DLC1: variants seen among roughly 807,000 people sequenced by gnomAD.
DLC1 encodes rho GTPase-activating protein 7.
A neutral mutation model predicts 140.3 loss-of-function variants in DLC1; 54 were observed. The ratio of observed to expected loss-of-function variants is 0.38; its 90% CI spans 0.31 to 0.48. The LOEUF (loss-of-function observed/expected upper bound fraction) is 0.48, where lower values mean the gene tolerates loss of function less well. DLC1 is among the 20% of genes least tolerant of loss of function. DLC1 has a pLI of 0.96. For missense variants in DLC1, 2,536 were observed against 1,907.0 expected (o/e 1.33, Z -6.14); for synonymous variants, 986 against 728.1 (o/e 1.35, Z -5.70).
At chr8:13,358,374 G>T (rs959770486) in intron 4 of DLC1, among the ~76,000 whole-genome samples, 1 of 152,060 alleles carries the variant, frequency 6.6e-6, no homozygotes, top group African/African-American at 2.4e-5. Context: ...GACTGCCAAG[G>T]GTATATGCTC....
intron 1 of DLC1, chr8:13,567,925 C>T (rs987937638): frequency 8.4e-6 from 13 of 1,549,580 alleles, no homozygotes; most frequent in South Asian, 7.2e-5. Context: ...CAAACCAGAG[C>T]TGGTGATTGT....
At chr8:13,595,862 A>T (rs1426090543) in intron 1 of DLC1, among the ~76,000 whole-genome samples, 1 of 152,000 alleles carries the variant, frequency 6.6e-6, no homozygotes. Flanking sequence ...TGTTTCCAAT[A>T]AATCTTGTAG....
chr8:13,316,038 G>A (rs541690365), intron 4 of DLC1, among the ~76,000 whole-genome samples: 94 of 152,290 alleles, frequency 6.2e-4, no homozygotes, highest in Admixed American at 5.1e-3. Flanking sequence ...GACCCCTTTC[G>A]GATGTAATCT....
chr8:13,589,720 T>A (rs1805452054), intron 1 of DLC1, among the ~76,000 whole-genome samples: 1 of 151,646 alleles, frequency 6.6e-6, no homozygotes, highest in African/African-American at 2.4e-5. Context: ...TAGGAAGCTT[T>A]CATACACCAG....
chr8:13,192,107 C>T (rs1022524673), intron 5 of DLC1, among the ~76,000 whole-genome samples: 3 of 151,758 alleles, frequency 2.0e-5, no homozygotes, highest in African/African-American at 4.8e-5. Flanking sequence ...CCACCGTGCC[C>T]GGCTAATTTT....
In DLC1 at chr8:13,110,833, A is replaced by G. The variant is rs374316210; in HGVS notation, c.1421-10T>C. The G allele has an allele frequency of 9.3e-6, 15 of 1,613,324 alleles. No individual in the cohort carries two copies. Among genetic ancestry groups the G allele is most frequent in the Non-Finnish European group, 1.2e-5 (14 of 1,179,700 alleles). ...ATGGGGAACAGGAAATCTATGAGAA[A>G]AATAAACAGATGTATTTGTTGAGCG... On this transcript the variant is annotated splice_polypyrimidine_tract_variant and intron_variant, in intron 6 of 17. Coordinates refer to ENST00000276297, the MANE Select transcript of DLC1 (RefSeq NM_182643.3).
chr8:13,252,348 C>G (rs750524056), intron 5 of DLC1, among the ~76,000 whole-genome samples: 7 of 152,130 alleles, frequency 4.6e-5, no homozygotes, highest in Non-Finnish European at 1.0e-4. Context: ...CAAAGGGCCA[C>G]TCACGTTTAG....
intron 1 of DLC1, among the ~76,000 whole-genome samples, chr8:13,581,421 A>T (rs552741159): frequency 6.6e-6 from 1 of 152,186 alleles, no homozygotes; most frequent in Non-Finnish European, 1.5e-5. Flanking sequence ...AGTAAATAGA[A>T]CTAATATCTA....
intron 2 of DLC1, among the ~76,000 whole-genome samples, chr8:13,426,669 A>G (rs1247212345): frequency 6.6e-6 from 1 of 152,162 alleles, no homozygotes. Flanking sequence ...GGGGCAACAT[A>G]GATTTAGAAA....
rs756928453 is a variant in DLC1, at chr8:13,099,821, C to A, written c.2516G>T (p.Arg839Met). 6.2e-7 allele frequency: 1 copy of A among 1,614,078 alleles called. No individual in the cohort carries two copies. Among genetic ancestry groups the A allele is most frequent in the Non-Finnish European group, 8.5e-7 (1 of 1,180,052 alleles). The change falls in exon 9 of 18, where the codon AGG becomes ATG. Residue 839 changes from arginine (R) to methionine (M), a missense_variant. Physicochemically the swap from Arg to Met is moderately conservative, Grantham distance 91. Transcript: ENST00000276297. Reference protein sequence around the residue: ...PSGNNGSVNWRTGSFHGPGHI... With the variant: ...PSGNNGSVNWMTGSFHGPGHI... ...GCCAGGGCCGTGGAAGCTTCCCGTC[C>A]TCCAGTTCACAGAGCCGTTATTCCC... is the stretch of plus-strand genomic sequence containing the variant.
intron 5 of DLC1, among the ~76,000 whole-genome samples, chr8:13,173,704 G>C (rs1290504803): frequency 6.6e-6 from 1 of 152,118 alleles, no homozygotes; most frequent in Non-Finnish European, 1.5e-5. Flanking sequence ...CTAAATTAAG[G>C]ATAAAGCTAT....
chr8:13,495,500 G>A (rs1009732982), intron 2 of DLC1, among the ~76,000 whole-genome samples: 5 of 151,928 alleles, frequency 3.3e-5, no homozygotes, highest in Non-Finnish European at 7.4e-5. Flanking sequence ...AATTTGTTTG[G>A]TTTTCCTTTG....
Position 13,312,700 on chromosome 8 carries a change from T to C in DLC1, c.1315-7398A>G, listed in dbSNP as rs565043946. On this transcript the variant is annotated intron_variant, in intron 4 of 17. Coordinates refer to ENST00000276297, the MANE Select transcript of DLC1 (RefSeq NM_182643.3). ...ACTGCATATTAATATATTCATTGTG[T>C]CTATATTATATATATCTCCTTAAAT... is the stretch of plus-strand genomic sequence containing the variant. Among the ~76,000 whole-genome samples the C allele has an allele frequency of 8.1e-4, 124 of 152,312 alleles. 4 individuals are homozygous for C. The South Asian group carries it at 0.025, about 30-fold the overall frequency.
intron 5 of DLC1, among the ~76,000 whole-genome samples, chr8:13,185,208 C>T (rs1025841087): frequency 4.9e-5 from 7 of 143,294 alleles, no homozygotes; most frequent in South Asian, 4.5e-4. Flanking sequence ...TCTTTGCATG[C>T]GAGATGGGTC....
chr8:13,339,220 GT>G (rs1470228803), intron 4 of DLC1, among the ~76,000 whole-genome samples: 4 of 152,146 alleles, frequency 2.6e-5, no homozygotes, highest in Non-Finnish European at 4.4e-5. Context: ...AAATTTCAAA[GT>G]TAAAAACAAC....
At chr8:13,314,166 T>A (rs1188008607) in intron 4 of DLC1, among the ~76,000 whole-genome samples, 5 of 151,544 alleles carry the variant, frequency 3.3e-5, no homozygotes, top group African/African-American at 1.2e-4. Flanking sequence ...TACTGAAATT[T>A]CATAAATTAT....
chr8:13,131,667 C>T (rs1000080578), intron 5 of DLC1, among the ~76,000 whole-genome samples: 1 of 152,208 alleles, frequency 6.6e-6, no homozygotes, highest in Admixed American at 6.5e-5. Flanking sequence ...ACATCGGGAA[C>T]AGGCAACCTG....
Position 13,088,617 on chromosome 8 carries a change from C to T in DLC1, c.4162G>A (p.Glu1388Lys). Reference sequence around the variant, plus strand: ...AGGTCTACATCCCAGAGGTGCTGTTCTTTAAGTAGGCGCTTTAAGATTTCC... The same window carrying T: ...AGGTCTACATCCCAGAGGTGCTGTTTTTTAAGTAGGCGCTTTAAGATTTCC... ...PEEILKRLLKEQHLWDVDLLD... is the reference protein window; with the variant it reads ...PEEILKRLLKKQHLWDVDLLD... Residue 1388 changes from glutamate to lysine, a missense_variant, in exon 16 of 18, where the codon GAA becomes AAA. Physicochemically the swap from Glu to Lys is moderately conservative, Grantham distance 56. Transcript: ENST00000276297. The T allele has an allele frequency of 2.5e-6, 4 of 1,614,146 alleles. No homozygotes were observed. The highest frequency in any genetic ancestry group is 3.4e-6 in the Non-Finnish European group (4 of 1,180,042).
rs116259546 is a variant in DLC1 at position 13,452,466 on chromosome 8, A to G, written c.1023+46583T>C. On this transcript the variant is annotated intron_variant, in intron 2 of 17. Transcript: ENST00000276297. ...TTCAGATAGCCTCATGCCCAAATCT[A>G]TAATGAGATTGCTATAACTAAGAAG... is the stretch of plus-strand genomic sequence containing the variant. Among the ~76,000 whole-genome samples the G allele has an allele frequency of 2.7e-3, 404 of 152,294 alleles. 2 individuals are homozygous for G. The highest frequency in any genetic ancestry group is 8.9e-3 in the African/African-American group (371 of 41,566).
Sources: gnomAD v4.1 joint callset for allele counts (sites outside exome capture counted in the v4.1 genomes callset) on GRCh38, gnomAD v4.1.1 for gene constraint, MANE v1.5 for transcripts, NCBI Gene and HGNC (gene_info 2026-07-23, HGNC 2026-07-21) for gene names.